The following CDC14A variants were observed in gnomAD, a reference collection of about 807,000 sequenced individuals.
CDC14A encodes the protein dual specificity protein phosphatase CDC14A.
Under a neutral mutation model 74.4 loss-of-function variants are expected in CDC14A, and 53 were observed. The ratio of observed to expected loss-of-function variants is 0.71; its 90% CI spans 0.57 to 0.89. The LOEUF is 0.89. CDC14A is among the 40% of genes least tolerant of loss of function. The pLI is 0.00. For synonymous variants in CDC14A, 247 were observed against 258.4 expected (o/e 0.96, Z 0.43); for missense variants, 646 against 713.7 (o/e 0.91, Z 1.08).
chr1:100,372,431 A>T (rs1304455472), intron 2 of CDC14A, among the ~76,000 whole-genome samples: 2 of 152,234 alleles, frequency 1.3e-5, no homozygotes, highest in Non-Finnish European at 2.9e-5. Context: ...GGGCTACTTT[A>T]TCAACTAAGT....
intron 2 of CDC14A, among the ~76,000 whole-genome samples, chr1:100,369,912 G>C (rs188429977): frequency 2.0e-5 from 3 of 151,664 alleles, no homozygotes; most frequent in Non-Finnish European, 4.4e-5. Flanking sequence ...CTGGGCTCAA[G>C]TGATCCTCCT....
Position 100,412,768 on chromosome 1 carries a change from T to TA in CDC14A, c.310-11454_310-11453insA, listed in dbSNP as rs1427152231. Reference sequence around the variant, plus strand: ...TATATATATATTTTATATATATATATTATATATATATATATAGTATGTATG... The same window carrying TA: ...TATATATATATTTTATATATATATATATATATATATATATATAGTATGTATG... On this transcript the variant is annotated intron_variant, in intron 4 of 15. Transcript: ENST00000336454. 6.0e-4 allele frequency among the ~76,000 whole-genome samples: 47 copies of TA among 78,756 alleles called. 1 individual carries two copies. Among genetic ancestry groups the TA allele is most frequent in the East Asian group, 4.7e-3 (17 of 3,582 alleles). 51.7% of individuals were successfully genotyped at this position (78,756 alleles called of 152,430 possible).
At chr1:100,425,092 T>TG (rs1662798270) in intron 5 of CDC14A, among the ~76,000 whole-genome samples, 1 of 152,108 alleles carries the variant, frequency 6.6e-6, no homozygotes, top group South Asian at 2.1e-4. Flanking sequence ...CGCTTGAGCC[T>TG]GGGAGGTCAA....
At chr1:100,391,627 TGAAGCCATG>T (rs1657711692) in intron 4 of CDC14A, among the ~76,000 whole-genome samples, 1 of 152,188 alleles carries the variant, frequency 6.6e-6, no homozygotes, top group Non-Finnish European at 1.5e-5. Context: ...CGTGCTCCTC[TGAAGCCATG>T]GAAGCAACCC....
intron 15 of CDC14A, among the ~76,000 whole-genome samples, chr1:100,500,469 G>A (rs1275758603): frequency 6.6e-6 from 1 of 152,150 alleles, no homozygotes; most frequent in Non-Finnish European, 1.5e-5. Context: ...TAGAAACCAT[G>A]AGGATGGGCC....
At chr1:100,395,439 T>G (rs550192291) in intron 4 of CDC14A, among the ~76,000 whole-genome samples, 2 of 152,242 alleles carry the variant, frequency 1.3e-5, no homozygotes, top group Admixed American at 6.5e-5. Flanking sequence ...TTTTGATTTC[T>G]TTTGTTCGCT....
intron 15 of CDC14A, 180 bp downstream of exon 15, chr1:100,499,442 A>G (rs924228145): frequency 4.7e-6 from 7 of 1,489,380 alleles, no homozygotes; most frequent in African/African-American, 2.8e-5. Context: ...CTCCTCTTCA[A>G]GTAAACGCCA....
chr1:100,417,087 G>A (rs1661624885), intron 4 of CDC14A, among the ~76,000 whole-genome samples: 1 of 152,152 alleles, frequency 6.6e-6, no homozygotes, highest in South Asian at 2.1e-4. Context: ...AATAACCACA[G>A]AAACAAACTG....
At chr1:100,457,619 C>T (rs1666842348) in intron 8 of CDC14A, among the ~76,000 whole-genome samples, 1 of 144,990 alleles carries the variant, frequency 6.9e-6, no homozygotes, top group Non-Finnish European at 1.5e-5. Context: ...CCCACCACAC[C>T]TGGCTGGTTT....
chr1:100,432,623 A>G (rs1663832796), intron 5 of CDC14A, among the ~76,000 whole-genome samples: 2 of 152,222 alleles, frequency 1.3e-5, no homozygotes, highest in Non-Finnish European at 2.9e-5. Context: ...GATTTAATAT[A>G]AAAGAAAAAT....
intron 7 of CDC14A, among the ~76,000 whole-genome samples, chr1:100,454,392 G>GT (rs1412690512): frequency 1.3e-5 from 2 of 152,182 alleles, no homozygotes; most frequent in East Asian, 1.9e-4. Context: ...TAAAGACAGC[G>GT]TAAGTGAAGA....
chr1:100,403,562 A>C (rs940936170), intron 4 of CDC14A, among the ~76,000 whole-genome samples: 2 of 152,260 alleles, frequency 1.3e-5, no homozygotes, highest in Non-Finnish European at 2.9e-5. Flanking sequence ...CTCTCTAAAC[A>C]TCAAGATGCA....
At chr1:100,354,811 C>A (rs1463975409) in intron 2 of CDC14A, among the ~76,000 whole-genome samples, 3 of 152,208 alleles carry the variant, frequency 2.0e-5, no homozygotes, top group Non-Finnish European at 4.4e-5. Flanking sequence ...CTTCCTTGGA[C>A]TTGTCTTGTT....
chr1:100,435,923 G>A (rs1393697908), intron 5 of CDC14A, among the ~76,000 whole-genome samples: 1 of 151,910 alleles, frequency 6.6e-6, no homozygotes, highest in African/African-American at 2.4e-5. Flanking sequence ...AGGAAGATGT[G>A]GAGCTTGGAA....
chr1:100,486,210 C>T (rs1331312857), intron 11 of CDC14A, among the ~76,000 whole-genome samples: 1 of 152,098 alleles, frequency 6.6e-6, no homozygotes, highest in East Asian at 1.9e-4. Context: ...AACATATTTA[C>T]CTTGCAGGAA....
In CDC14A at chr1:100,420,070, A is replaced by ATATATT. The variant is rs372386056; in HGVS notation, c.310-4147_310-4146insTTATAT. 1.3e-4 allele frequency among the ~76,000 whole-genome samples: 15 copies of ATATATT among 111,940 alleles called. 1 individual carries two copies. Among genetic ancestry groups the ATATATT allele is most frequent in the African/African-American group, 4.6e-4 (14 of 30,524 alleles). 73.4% of individuals were successfully genotyped at this position (111,940 alleles called of 152,430 possible). On this transcript the variant is annotated intron_variant, in intron 4 of 15. Coordinates refer to ENST00000336454, the MANE Select transcript of CDC14A (RefSeq NM_003672.4). ...CACACACACACACACACACATATATATATATATATATAGTGTGTATGTGTG... is the reference window on the plus strand; with the variant it reads ...CACACACACACACACACACATATATATATATTTATATATATATAGTGTGTATGTGTG...
intron 3 of CDC14A, among the ~76,000 whole-genome samples, chr1:100,389,608 G>A (rs974057786): frequency 4.6e-5 from 7 of 151,928 alleles, no homozygotes; most frequent in East Asian, 1.9e-4. Flanking sequence ...ATCTTAGAAC[G>A]GGCTTCAGAG....
intron 5 of CDC14A, among the ~76,000 whole-genome samples, chr1:100,434,993 A>C (rs1664151659): frequency 6.6e-6 from 1 of 152,200 alleles, no homozygotes; most frequent in South Asian, 2.1e-4. Context: ...ACTTGTTAGA[A>C]ATGCAAATTC....
intron 5 of CDC14A, among the ~76,000 whole-genome samples, chr1:100,439,345 A>G (rs1664677911): frequency 6.6e-6 from 1 of 152,168 alleles, no homozygotes; most frequent in Admixed American, 6.5e-5. Context: ...CTGTTGGCCT[A>G]CATACATTGT....
Sources: allele counts gnomAD v4.1 joint callset (sites outside exome capture counted in the v4.1 genomes callset), GRCh38; gene constraint gnomAD v4.1.1; transcripts MANE v1.5; gene names NCBI Gene and HGNC (gene_info 2026-07-23, HGNC 2026-07-21).